KERA: variants seen among roughly 807,000 people sequenced by gnomAD.
The protein encoded by KERA is keratocan, also known as keratan sulfate proteoglycan keratocan.
A neutral mutation model predicts 26.4 loss-of-function variants in KERA; 25 were observed. The ratio of observed to expected loss-of-function variants is 0.95; its 90% CI spans 0.69 to 1.32. The LOEUF is 1.32. Among genes scored for constraint, KERA ranks in the 40% most tolerant of loss-of-function variants. The pLI is 0.00. For missense variants in KERA, 434 were observed against 408.9 expected (o/e 1.06, Z -0.53); for synonymous variants, 167 against 146.1 (o/e 1.14, Z -1.03).
At chr12:91,052,929 G>A (rs1466384101) in intron 2 of KERA, among the ~76,000 whole-genome samples, 4 of 151,422 alleles carry the variant, frequency 2.6e-5, no homozygotes, top group Non-Finnish European at 4.4e-5. Flanking sequence ...ATAAATTACA[G>A]TGTTTCTCAG....
chr12:91,056,429 T>A, intron 1 of KERA, 140 bp from the exon 2 acceptor site: 1 of 716,780 alleles, frequency 1.4e-6, no homozygotes, highest in Non-Finnish European at 2.4e-6. Context: ...AGATCTTAAT[T>A]AATATACATT....
At chr12:91,051,611 G>A (rs1350272167) in intron 2 of KERA, 93 bp from the exon 3 acceptor site, 5 of 859,840 alleles carry the variant, frequency 5.8e-6, no homozygotes, top group Non-Finnish European at 9.8e-6. Context: ...TCCTATGGAG[G>A]GCTTAGTGGC....
chr12:91,053,623 A>AC (rs1878917635), intron 2 of KERA, among the ~76,000 whole-genome samples: 1 of 151,386 alleles, frequency 6.6e-6, no homozygotes, highest in African/African-American at 2.4e-5. Flanking sequence ...GGAAACAGCA[A>AC]CCTGGGTTTA....
intron 2 of KERA, 83 bp from the exon 3 acceptor site, chr12:91,051,601 T>C: frequency 2.1e-6 from 2 of 967,186 alleles, no homozygotes; most frequent in Non-Finnish European, 3.3e-6. Context: ...AATGCCATGG[T>C]CCTATGGAGG....
Position 91,055,470 on chromosome 12 carries a change from T to C in KERA, c.812A>G (p.His271Arg). ...TCGGGGAACCTTTGTGAGTTGATTG[T>C]GCGACAGTTGAAGATCTAGAATTGA... ...VSSILDLQLSHNQLTKVPRIS... is the reference protein window; with the variant it reads ...VSSILDLQLSRNQLTKVPRIS... Residue 271 changes from histidine to arginine, a missense_variant, in exon 2 of 3, where the codon CAC becomes CGC. Transcript: ENST00000266719. 6.2e-7 allele frequency: 1 copy of C among 1,610,344 alleles called. No homozygotes were observed. The highest frequency in any genetic ancestry group is 8.5e-7 in the Non-Finnish European group (1 of 1,177,690).
chr12:91,055,581 T>C lies in KERA; in HGVS notation c.701A>G (p.Asn234Ser). 4 of 1,610,894 alleles carry C rather than the reference T, an allele frequency of 2.5e-6. No homozygotes were observed. The highest frequency in any genetic ancestry group is 3.4e-6 in the Non-Finnish European group (4 of 1,177,934). The change falls in exon 2 of 3, where the codon AAT becomes AGT. Residue 234 changes from asparagine to serine, a missense_variant. Asn to Ser is a conservative substitution (Grantham distance 46). Transcript: ENST00000266719. The stretch of plus-strand genomic sequence containing the variant: ...CAAAAAGGCCACTTTAGGAATCACA[T>C]TAAAATAATTTTCTGGTATTCCTTC... ...SIEGIPENYF[N>S]VIPKVAFLRL...
At chr12:91,056,510 T>C (rs996560503) in intron 1 of KERA, among the ~76,000 whole-genome samples, 25 of 151,234 alleles carry the variant, frequency 1.7e-4, no homozygotes, top group African/African-American at 6.1e-4. Flanking sequence ...AGCTTTCTGG[T>C]TGTAACCCAA....
chr12:91,055,919 C>G lies in KERA; in HGVS notation c.363G>C (p.Lys121Asn). ...GIEKGALSQL[K>N]KLLFLFLEDN... ...CTTCCAGAAATAAGAAGAGCAACTTCTTCAGCTGGCTTAGGGCTCCTTTTT... is the reference window on the plus strand; with the variant it reads ...CTTCCAGAAATAAGAAGAGCAACTTGTTCAGCTGGCTTAGGGCTCCTTTTT... The change falls in exon 2 of 3, where the codon AAG becomes AAC. Residue 121 changes from lysine (K) to asparagine (N), a missense_variant. Lys to Asn is a moderately conservative substitution (Grantham distance 94, BLOSUM62 0). Transcript: ENST00000266719. 2.5e-6 allele frequency: 4 copies of G among 1,611,190 alleles called. No homozygotes were observed. Among genetic ancestry groups the G allele is most frequent in the Non-Finnish European group, 2.5e-6 (3 of 1,178,194 alleles).
chr12:91,055,961 T>G lies in KERA; in HGVS notation c.321A>C (p.Ile107=), dbSNP rs1451070433. 6.2e-7 allele frequency: 1 copy of G among 1,611,026 alleles called. No homozygotes were observed. Among genetic ancestry groups the G allele is most frequent in the Non-Finnish European group, 8.5e-7 (1 of 1,178,182 alleles). ...CTCCTTTTTCAATTCCGTAGTTGGT[T>G]ATTTTGTTCTTGTTTAGATTTATCC... The part of the protein sequence containing the change: ...LRWINLNKNK[I]TNYGIEKGAL... Residue 107 remains isoleucine (I), a synonymous_variant, in exon 2 of 3, where the codon ATA becomes ATC. Transcript: ENST00000266719.
At chr12:91,057,678 G>C (rs879853699) in intron 1 of KERA, 66 bp downstream of exon 1, 1 of 149,560 alleles carries the variant, frequency 6.7e-6, no homozygotes, top group Non-Finnish European at 1.5e-5. Flanking sequence ...TTGTAACCCT[G>C]CGTCTGTTGA....
Position 91,051,254 on chromosome 12 carries a change from A to G in KERA, c.*92T>C, listed in dbSNP as rs1454597675. The stretch of plus-strand genomic sequence containing the variant: ...AAAATGGTGGCCGAGAGCAATGGGG[A>G]ATATGACTTGTGTCCTAAACCTATT... On this transcript the variant is annotated 3_prime_UTR_variant, in exon 3 of 3. Transcript: ENST00000266719. The G allele has an allele frequency of 6.7e-6, 7 of 1,046,350 alleles. No individual in the cohort carries two copies. Among genetic ancestry groups the G allele is most frequent in the Admixed American group, 1.8e-5 (1 of 55,516 alleles). The allele number at this position is 1,046,350 out of a possible 1,614,324, so 64.8% of individuals were successfully genotyped here. A position where few individuals can be genotyped will look rare whatever the true frequency, so the allele number is the denominator to read the frequency against.
rs1231193503 is a variant in KERA, at chr12:91,050,868, C to T, written c.*478G>A. ...CTAAATATCAAACTTGTACCACCAA[C>T]AGCTACTTAGCAATCTGCAATTGTT... On this transcript the variant is annotated 3_prime_UTR_variant, in exon 3 of 3. Transcript: ENST00000266719. 6.2e-6 allele frequency: 1 copy of T among 161,114 alleles called. No individual in the cohort carries two copies. The highest frequency in any genetic ancestry group is 1.7e-4 in the East Asian group (1 of 5,852). The allele number at this position is 161,114 out of a possible 1,614,324, so 10.0% of individuals were successfully genotyped here. A position where few individuals can be genotyped will look rare whatever the true frequency, so the allele number is the denominator to read the frequency against.
Position 91,051,267 on chromosome 12 carries a change from T to A in KERA, c.*79A>T, listed in dbSNP as rs1190828887. The A allele has an allele frequency of 8.4e-7, 1 of 1,189,288 alleles. No individual in the cohort carries two copies. The highest frequency in any genetic ancestry group is 1.5e-5 in the African/African-American group (1 of 66,314). 73.7% of individuals were successfully genotyped at this position (1,189,288 alleles called of 1,614,324 possible). The stretch of plus-strand genomic sequence containing the variant: ...AGAGCAATGGGGAATATGACTTGTG[T>A]CCTAAACCTATTAATGGTAACCACA... On this transcript the variant is annotated 3_prime_UTR_variant, in exon 3 of 3. Coordinates refer to ENST00000266719, the MANE Select transcript of KERA (RefSeq NM_007035.4).
chr12:91,055,695 T>G lies in KERA; in HGVS notation c.587A>C (p.Gln196Pro). Residue 196 changes from glutamine (Q) to proline (P), a missense_variant, in exon 2 of 3, where the codon CAG becomes CCG. By Grantham distance (76) the Gln-to-Pro change is moderately conservative. Coordinates refer to ENST00000266719, the MANE Select transcript of KERA (RefSeq NM_007035.4). ...CAGGGCATTCTTGGCCATGTTTAGC[T>G]GCATGAGATTCTTGAGTCCTTTAAA... ...DTFKGLKNLM[Q>P]LNMAKNALRN... The G allele has an allele frequency of 6.2e-7, 1 of 1,611,476 alleles. No individual in the cohort carries two copies. Among genetic ancestry groups the G allele is most frequent in the Admixed American group, 1.7e-5 (1 of 59,750 alleles).
Position 91,056,184 on chromosome 12 carries a change from T to G in KERA, c.98A>C (p.Asp33Ala), listed in dbSNP as rs1299134481. The G allele has an allele frequency of 6.2e-7, 1 of 1,610,146 alleles. No individual in the cohort carries two copies. Among genetic ancestry groups the G allele is most frequent in the Non-Finnish European group, 8.5e-7 (1 of 1,177,652 alleles). ...VRQVYEVHDS[D>A]DWTIHDFECP... ...CTCGAAGTCATGAATAGTCCAATCA[T>G]CTGAATCATGTACTTCATAGACCTG... is the stretch of plus-strand genomic sequence containing the variant. The change falls in exon 2 of 3, where the codon GAT becomes GCT. Residue 33 changes from aspartate (D) to alanine (A), a missense_variant. Asp to Ala is a moderately radical substitution (Grantham distance 126, BLOSUM62 -2). Coordinates refer to ENST00000266719, the MANE Select transcript of KERA (RefSeq NM_007035.4).
Position 91,051,405 on chromosome 12 carries a change from G to C in KERA, c.1000C>G (p.Pro334Ala). 6.2e-7 allele frequency: 1 copy of C among 1,611,330 alleles called. No individual in the cohort carries two copies. Among genetic ancestry groups the C allele is most frequent in the Non-Finnish European group, 8.5e-7 (1 of 1,178,124 alleles). ...GTCATTAAAGCCATTGGAATTGGTG[G>C]TTTGATTTCATTTCCATCCAGACGG... The part of the protein sequence containing the change: ...YLRLDGNEIK[P>A]PIPMALMTCF... The change falls in exon 3 of 3, where the codon CCA becomes GCA. Residue 334 changes from proline to alanine, a missense_variant. Pro to Ala is a conservative substitution (Grantham distance 27). Coordinates refer to ENST00000266719, the MANE Select transcript of KERA (RefSeq NM_007035.4).
At chr12:91,053,648 G>T (rs984702798) in intron 2 of KERA, among the ~76,000 whole-genome samples, 4 of 151,302 alleles carry the variant, frequency 2.6e-5, no homozygotes, top group Non-Finnish European at 5.9e-5. Flanking sequence ...ATCTCCAGGT[G>T]ATTCTGATGC....
In KERA at chr12:91,051,364, C is replaced by T; in HGVS notation, c.1041G>A (p.Leu347=). The T allele has an allele frequency of 6.2e-7, 1 of 1,610,850 alleles. No homozygotes were observed. The highest frequency in any genetic ancestry group is 8.5e-7 in the Non-Finnish European group (1 of 1,177,826). Residue 347 remains leucine (L), a synonymous_variant, in exon 3 of 3, where the codon CTG becomes CTA. Coordinates refer to ENST00000266719, the MANE Select transcript of KERA (RefSeq NM_007035.4). ...AATGTGTTTAAATAATGACAGCCTG[C>T]AGAAGTCTGAAGCAGGTCATTAAAG... The part of the protein sequence containing the change: ...PMALMTCFRL[L]QAVII
At chr12:91,054,983 T>C (rs1178743799) in intron 2 of KERA, among the ~76,000 whole-genome samples, 2 of 151,262 alleles carry the variant, frequency 1.3e-5, no homozygotes, top group Non-Finnish European at 3.0e-5. Context: ...ATATAGTGTT[T>C]AGGACAAAGA....
Sources: gnomAD v4.1 joint callset for allele counts (sites outside exome capture counted in the v4.1 genomes callset) on GRCh38, gnomAD v4.1.1 for gene constraint, MANE v1.5 for transcripts, NCBI Gene and HGNC (gene_info 2026-07-23, HGNC 2026-07-21) for gene names.